KDM4B: variants seen among roughly 807,000 people sequenced by gnomAD.
The protein encoded by KDM4B is lysine demethylase 4B.
In KDM4B, 32 loss-of-function variants were observed where a neutral mutation model predicts 125.2. The ratio of observed to expected loss-of-function variants is 0.26; its 90% confidence interval spans 0.19 to 0.34. The LOEUF is 0.34. KDM4B is among the 10% of genes least tolerant of loss of function. The probability of loss-of-function intolerance (pLI) is 1.00; values close to 1 mark genes in which losing one functional copy is unlikely to be tolerated. For missense variants in KDM4B, 1,190 were observed against 1,577.7 expected (o/e 0.75, Z 4.16); for synonymous variants, 721 against 677.9 (o/e 1.06, Z -0.99).
intron 21 of KDM4B, among the ~76,000 whole-genome samples, chr19:5,146,480 C>T (rs1372535562): frequency 6.6e-6 from 1 of 152,250 alleles, no homozygotes; most frequent in Non-Finnish European, 1.5e-5. Flanking sequence ...CCAGCCTTCC[C>T]TGGGGGGAGG....
intron 9 of KDM4B, among the ~76,000 whole-genome samples, chr19:5,088,261 G>A (rs942884565): frequency 3.9e-5 from 6 of 152,202 alleles, no homozygotes; most frequent in African/African-American, 1.2e-4. Flanking sequence ...TCTGGAGCAC[G>A]GTTCCATCAG....
At chr19:5,001,081 G>C (rs865924664) in intron 1 of KDM4B, among the ~76,000 whole-genome samples, 1 of 151,724 alleles carries the variant, frequency 6.6e-6, no homozygotes, top group African/African-American at 2.4e-5. Context: ...GCCCAGGCTG[G>C]AGTGCAGTGG....
chr19:5,133,177 G>A (rs116757241), intron 13 of KDM4B, among the ~76,000 whole-genome samples: 4,275 of 152,338 alleles, frequency 0.028, 80 homozygotes, highest in Admixed American at 0.038. Flanking sequence ...AGATTGGGGT[G>A]CGGCAGCTGG....
intron 1 of KDM4B, among the ~76,000 whole-genome samples, chr19:4,977,803 C>T (rs1044326771): frequency 2.0e-5 from 3 of 152,210 alleles, no homozygotes; most frequent in Admixed American, 1.3e-4. Context: ...AGCCTGGAAG[C>T]TGGCCAGCCT....
chr19:4,983,272 T>C (rs1445923077), intron 1 of KDM4B, among the ~76,000 whole-genome samples: 1 of 152,014 alleles, frequency 6.6e-6, no homozygotes, highest in Non-Finnish European at 1.5e-5. Context: ...GTGCTATAGA[T>C]GGGGTCCTGG....
intron 1 of KDM4B, among the ~76,000 whole-genome samples, chr19:5,004,227 G>A (rs532543267): frequency 1.3e-5 from 2 of 152,248 alleles, no homozygotes; most frequent in East Asian, 3.9e-4. Context: ...GGAGACTCGT[G>A]GGAACCCCTC....
chr19:5,125,170 G>A (rs2039427700), intron 11 of KDM4B, among the ~76,000 whole-genome samples: 1 of 152,236 alleles, frequency 6.6e-6, no homozygotes, highest in Non-Finnish European at 1.5e-5. Flanking sequence ...TTACAGGTAT[G>A]AGCCACTGTG....
Position 5,115,268 on chromosome 19 carries a change from T to C in KDM4B, c.1116-4385T>C, listed in dbSNP as rs2039232853. Among the ~76,000 whole-genome samples the C allele has an allele frequency of 6.6e-6, 1 of 151,950 alleles. No homozygotes were observed. The highest frequency in any genetic ancestry group is 1.5e-5 in the Non-Finnish European group (1 of 67,956). On this transcript the variant is annotated intron_variant, in intron 10 of 22. Transcript: ENST00000159111. The surrounding 1 kb of genome is among the most constrained non-coding windows in gnomAD (Gnocchi z 4.2). ...ACAGCGGGCAAACATGGGCAGCCCC[T>C]GGGGGTGCTGGGGGGATGTGGGGGC...
At chr19:4,975,799 G>A (rs1042289264) in intron 1 of KDM4B, among the ~76,000 whole-genome samples, 3 of 151,342 alleles carry the variant, frequency 2.0e-5, no homozygotes, top group Non-Finnish European at 2.9e-5. Flanking sequence ...CGCCATGTTG[G>A]CCAGGCTGGT....
At chr19:5,045,597 T>C (rs1029246043) in intron 5 of KDM4B, among the ~76,000 whole-genome samples, 5 of 151,678 alleles carry the variant, frequency 3.3e-5, no homozygotes, top group Middle Eastern at 3.4e-3. Flanking sequence ...AGTCTTGCTC[T>C]GTCACCAGGC....
At chr19:5,068,742 C>G (rs147977224) in intron 6 of KDM4B, among the ~76,000 whole-genome samples, 57 of 152,340 alleles carry the variant, frequency 3.7e-4, no homozygotes, top group African/African-American at 1.3e-3. Context: ...GTCCAAGAGT[C>G]CTTTGTGATT....
At position 5,081,976 on chromosome 19, in the gene KDM4B, A is replaced by G. The variant is rs532896809; in HGVS notation, c.781-391A>G. ...AGTGTGACTCAGCCACCTCCAAAGC[A>G]GGAGGCCCCCATCGCTCCCCATGAA... is the stretch of plus-strand genomic sequence containing the variant. On this transcript the variant is annotated intron_variant, in intron 8 of 22. Coordinates refer to ENST00000159111, the MANE Select transcript of KDM4B (RefSeq NM_015015.3). This position sits in a 1 kb window ranked among gnomAD's most constrained non-coding sequence, Gnocchi z 4.2. Among the ~76,000 whole-genome samples the G allele has an allele frequency of 4.1e-4, 62 of 152,324 alleles. No homozygotes were observed. Among genetic ancestry groups the G allele is most frequent in the African/African-American group, 1.4e-3 (59 of 41,582 alleles).
At chr19:4,978,506 C>CAAAAAAAAAAAAAA (rs58304162) in intron 1 of KDM4B, among the ~76,000 whole-genome samples, 2 of 36,404 alleles carry the variant, frequency 5.5e-5, no homozygotes, top group African/African-American at 1.4e-4. Flanking sequence ...GACTCTGTCT[C>CAAAAAAAAAAAAAA]AAAAAAAAAA....
intron 1 of KDM4B, among the ~76,000 whole-genome samples, chr19:4,994,825 A>G (rs1358264212): frequency 6.6e-6 from 1 of 151,972 alleles, no homozygotes; most frequent in Non-Finnish European, 1.5e-5. Context: ...TAATATTTTA[A>G]TTCTTTTCAT....
intron 2 of KDM4B, among the ~76,000 whole-genome samples, chr19:5,022,969 C>T (rs1332241822): frequency 6.6e-6 from 1 of 152,160 alleles, no homozygotes; most frequent in African/African-American, 2.4e-5. Context: ...TGATGGTCCC[C>T]ATGGATGTCC....
chr19:5,065,344 C>T (rs948074407), intron 6 of KDM4B, among the ~76,000 whole-genome samples: 1 of 152,202 alleles, frequency 6.6e-6, no homozygotes, highest in Non-Finnish European at 1.5e-5. Flanking sequence ...GGCCTGTGTT[C>T]CCTTTCCTGA....
intron 1 of KDM4B, among the ~76,000 whole-genome samples, chr19:4,982,933 G>A (rs1599351644): frequency 6.6e-6 from 1 of 152,036 alleles, no homozygotes; most frequent in South Asian, 2.1e-4. Context: ...ATGTTTTAAG[G>A]CAGCGCTGTC....
intron 6 of KDM4B, among the ~76,000 whole-genome samples, chr19:5,053,905 A>G (rs975446160): frequency 2.6e-5 from 4 of 152,228 alleles, no homozygotes. Context: ...CTGCGTGGCC[A>G]GGCACACCTG....
Position 4,997,417 on chromosome 19 carries a change from G to A in KDM4B, c.-108-18840G>A, listed in dbSNP as rs902721206. 4.6e-5 allele frequency among the ~76,000 whole-genome samples: 7 copies of A among 152,102 alleles called. No individual in the cohort carries two copies. The highest frequency in any genetic ancestry group is 1.7e-4 in the African/African-American group (7 of 41,410). On this transcript the variant is annotated intron_variant, in intron 1 of 22. Coordinates refer to ENST00000159111, the MANE Select transcript of KDM4B (RefSeq NM_015015.3). This position sits in a 1 kb window ranked among gnomAD's most constrained non-coding sequence, Gnocchi z 4.2. ...GTCCTTCTGTGGTTCATGAGGACCT[G>A]CCATCTGGGGGCGGCGAGGTGGGCT...
Sources: gnomAD v4.1 joint callset for allele counts (sites outside exome capture counted in the v4.1 genomes callset) on GRCh38, gnomAD v4.1.1 for gene constraint, Gnocchi (gnomAD v3.1) non-coding constraint, MANE v1.5 for transcripts, NCBI Gene and HGNC (gene_info 2026-07-23, HGNC 2026-07-21) for gene names.